The following TNFRSF21 variants were observed in gnomAD, a reference collection of about 807,000 sequenced individuals.
TNFRSF21 encodes tumor necrosis factor receptor superfamily member 21.
TNFRSF21 carries 19 observed loss-of-function variants against 45.6 expected under a neutral mutation model. The ratio of observed to expected loss-of-function variants is 0.42; its 90% CI spans 0.29 to 0.61. TNFRSF21 has a LOEUF of 0.61. Among genes scored for constraint, TNFRSF21 ranks in the 20% least tolerant of loss-of-function variants. TNFRSF21 has a pLI of 0.23. For missense variants in TNFRSF21, 737 were observed against 851.5 expected, an observed-to-expected ratio of 0.87 and a Z score of 1.67; for synonymous variants, 314 against 335.5, an observed-to-expected ratio of 0.94 and a Z score of 0.70.
Position 47,286,079 on chromosome 6 carries a change from T to C in TNFRSF21, c.613A>G (p.Lys205Glu), listed in dbSNP as rs1295851173. ...GTGCCACAGACGTTGTCTGTCTCCT[T>C]GGTCCCCGGCTTGATCACCACCAGG... ...QNLVVIKPGT[K>E]ETDNVCGTLP... Residue 205 changes from lysine to glutamate, a missense_variant, in exon 2 of 6, where the codon AAG becomes GAG. Transcript: ENST00000296861. 1.2e-6 allele frequency: 2 copies of C among 1,614,178 alleles called. No homozygotes were observed. The highest frequency in any genetic ancestry group is 8.5e-7 in the Non-Finnish European group (1 of 1,180,030).
chr6:47,236,575 A>G (rs187683556), intron 4 of TNFRSF21, among the ~76,000 whole-genome samples: 1 of 152,348 alleles, frequency 6.6e-6, no homozygotes, highest in Admixed American at 6.5e-5. Context: ...TAATGTTCCA[A>G]CAGCGTTTTT....
intron 1 of TNFRSF21, among the ~76,000 whole-genome samples, chr6:47,302,801 A>T (rs1762888846): frequency 6.6e-6 from 1 of 152,198 alleles, no homozygotes; most frequent in Non-Finnish European, 1.5e-5. Context: ...TTGCAGAAAA[A>T]GCAGTGTGCA....
intron 3 of TNFRSF21, among the ~76,000 whole-genome samples, chr6:47,257,190 T>C (rs2113851667): frequency 6.6e-6 from 1 of 151,942 alleles, no homozygotes; most frequent in South Asian, 2.1e-4. Context: ...CCCAGTACTG[T>C]ATTTATCCTT....
At chr6:47,253,169 T>C in intron 4 of TNFRSF21, 87 bp downstream of exon 4, 1 of 1,486,604 alleles carries the variant, frequency 6.7e-7, no homozygotes, top group Non-Finnish European at 9.1e-7. Context: ...GAATATGTTA[T>C]TTTTCTTTGT....
At chr6:47,292,472 T>C (rs1056019168) in intron 1 of TNFRSF21, among the ~76,000 whole-genome samples, 1 of 152,224 alleles carries the variant, frequency 6.6e-6, no homozygotes, top group African/African-American at 2.4e-5. Context: ...TGGTTCATTT[T>C]ATTTTTAAGC....
intron 3 of TNFRSF21, among the ~76,000 whole-genome samples, chr6:47,274,160 A>C (rs915713025): frequency 2.0e-5 from 3 of 152,198 alleles, no homozygotes; most frequent in Non-Finnish European, 4.4e-5. Flanking sequence ...GGGACCAAAA[A>C]AAGGGCCTGC....
intron 1 of TNFRSF21, among the ~76,000 whole-genome samples, chr6:47,299,788 T>C (rs899801222): frequency 6.6e-6 from 1 of 152,176 alleles, no homozygotes; most frequent in African/African-American, 2.4e-5. Flanking sequence ...ACTCCAATAT[T>C]GGCAGGCTTG....
intron 3 of TNFRSF21, among the ~76,000 whole-genome samples, chr6:47,276,859 G>A (rs1053769937): frequency 1.3e-5 from 2 of 152,202 alleles, no homozygotes; most frequent in East Asian, 1.9e-4. Flanking sequence ...CCATTTGAGA[G>A]AGCACTGCCT....
chr6:47,246,138 T>C (rs984342379), intron 4 of TNFRSF21, among the ~76,000 whole-genome samples: 3 of 152,210 alleles, frequency 2.0e-5, no homozygotes, highest in Admixed American at 6.5e-5. Flanking sequence ...TATACCCACC[T>C]ATACTTCTCA....
At chr6:47,296,507 G>A (rs1762790424) in intron 1 of TNFRSF21, among the ~76,000 whole-genome samples, 1 of 152,152 alleles carries the variant, frequency 6.6e-6, no homozygotes, top group Admixed American at 6.5e-5. Context: ...GGTAGCTTCT[G>A]GATAGGGGCT....
intron 5 of TNFRSF21, among the ~76,000 whole-genome samples, chr6:47,233,724 A>G (rs1194682534): frequency 6.6e-6 from 1 of 151,118 alleles, no homozygotes; most frequent in African/African-American, 2.4e-5. Flanking sequence ...AAAGTACACA[A>G]ATTATAAATA....
intron 4 of TNFRSF21, among the ~76,000 whole-genome samples, chr6:47,237,659 T>A (rs1457389263): frequency 6.6e-6 from 1 of 152,190 alleles, no homozygotes; most frequent in Non-Finnish European, 1.5e-5. Context: ...TTTCCTAAGG[T>A]TCTTTGAGTT....
intron 3 of TNFRSF21, among the ~76,000 whole-genome samples, chr6:47,279,140 C>T (rs1389613006): frequency 1.3e-5 from 2 of 152,204 alleles, no homozygotes; most frequent in Admixed American, 1.3e-4. Context: ...CTACTCCTCA[C>T]CTGCTTTTCA....
intron 1 of TNFRSF21, among the ~76,000 whole-genome samples, chr6:47,306,934 T>C (rs1487212066): frequency 1.3e-5 from 2 of 152,202 alleles, no homozygotes; most frequent in African/African-American, 4.8e-5. Context: ...CAGGCTCCAG[T>C]ACCTGATGTC....
At chr6:47,257,693 G>A (rs1765008143) in intron 3 of TNFRSF21, among the ~76,000 whole-genome samples, 1 of 152,180 alleles carries the variant, frequency 6.6e-6, no homozygotes, top group Non-Finnish European at 1.5e-5. Flanking sequence ...CTGTTTCCTA[G>A]GCTGGACAGT....
At chr6:47,289,246 A>AT (rs1762688645) in intron 1 of TNFRSF21, among the ~76,000 whole-genome samples, 2 of 151,988 alleles carry the variant, frequency 1.3e-5, no homozygotes, top group East Asian at 1.9e-4. Context: ...TAAATCAAGA[A>AT]TTTTTTTCAC....
intron 3 of TNFRSF21, among the ~76,000 whole-genome samples, chr6:47,276,373 T>C (rs1762498340): frequency 6.6e-6 from 1 of 152,196 alleles, no homozygotes; most frequent in African/African-American, 2.4e-5. Flanking sequence ...CTTTGTTACT[T>C]ACCCCTTCAG....
intron 3 of TNFRSF21, among the ~76,000 whole-genome samples, chr6:47,278,305 G>A (rs1351197248): frequency 1.3e-5 from 2 of 152,046 alleles, no homozygotes; most frequent in African/African-American, 4.8e-5. Context: ...AAAACAATCT[G>A]GCCTTTAAAA....
At chr6:47,289,421 T>G (rs559445474) in intron 1 of TNFRSF21, among the ~76,000 whole-genome samples, 7 of 152,290 alleles carry the variant, frequency 4.6e-5, no homozygotes, top group African/African-American at 1.7e-4. Context: ...AAACAAATTT[T>G]CAGCTTATGA....
Sources: gnomAD v4.1 joint callset for allele counts (sites outside exome capture counted in the v4.1 genomes callset) on GRCh38, gnomAD v4.1.1 for gene constraint, MANE v1.5 for transcripts, NCBI Gene and HGNC (gene_info 2026-07-23, HGNC 2026-07-21) for gene names.